Variants in NAA60 observed in about 807,000 individuals in gnomAD.
The protein encoded by NAA60 is N-alpha-acetyltransferase 60, NatF catalytic subunit.
Under a neutral mutation model 26.1 loss-of-function variants are expected in NAA60, and 8 were observed. The observed-to-expected ratio is 0.31, with a 90% CI of 0.18 to 0.55. The LOEUF (loss-of-function observed/expected upper bound fraction) is 0.55, where lower values mean the gene tolerates loss of function less well. Ranked by LOEUF, NAA60 falls within the 20% of genes least tolerant of loss-of-function variation. The pLI, the probability that NAA60 is intolerant of heterozygous loss-of-function variation, is 0.93. For missense variants in NAA60, 290 were observed against 311.3 expected, an observed-to-expected ratio of 0.93 and a Z score of 0.51; for synonymous variants, 131 against 122.5, an observed-to-expected ratio of 1.07 and a Z score of -0.46.
intron 2 of NAA60, among the ~76,000 whole-genome samples, chr16:3,450,491 G>C (rs1160287486): frequency 6.6e-6 from 1 of 152,018 alleles, no homozygotes; most frequent in Non-Finnish European, 1.5e-5. Flanking sequence ...ACAAGGTCAG[G>C]AGATCGAGAC....
intron 2 of NAA60, chr16:3,467,698 A>G (rs77942099): frequency 0.062 from 9,367 of 152,288 alleles, 380 homozygotes; most frequent in Admixed American, 0.084. Flanking sequence ...TCAGCACCTG[A>G]CAGTGGCGGG....
intron 2 of NAA60, among the ~76,000 whole-genome samples, chr16:3,475,804 G>T (rs2036443159): frequency 6.6e-6 from 1 of 152,260 alleles, no homozygotes; most frequent in African/African-American, 2.4e-5. Context: ...GGGGGATGAG[G>T]CATGGGGGCT....
chr16:3,451,724 C>T (rs1011981264), intron 2 of NAA60, among the ~76,000 whole-genome samples: 1 of 151,948 alleles, frequency 6.6e-6, no homozygotes, highest in African/African-American at 2.4e-5. Flanking sequence ...TGGAGACCAG[C>T]CTGGGCAACA....
rs113349727 is a variant in NAA60 at position 3,448,293 on chromosome 16, AC to A, written c.-76-177del. Among the ~76,000 whole-genome samples, 1,024 of 128,600 alleles carry A rather than the reference AC, an allele frequency of 8.0e-3. 16 individuals carry two copies. Among genetic ancestry groups the A allele is most frequent in the African/African-American group, 0.038 (928 of 24,538 alleles). 84.4% of individuals were successfully genotyped at this position (128,600 alleles called of 152,430 possible). A position where few individuals can be genotyped will look rare whatever the true frequency, so the allele number is the denominator to read the frequency against. ...TGTCTCAAAAAAAAAAAAAAAAAAA[AC>A]ATGGGTTGCTTTGTAGTTTAGAGAA... On this transcript the variant is annotated intron_variant, in intron 1 of 7. Transcript: ENST00000407558.
chr16:3,443,786 C>T lies in NAA60; in HGVS notation c.-128C>T. 1 of 1,534,228 alleles carries T rather than the reference C, an allele frequency of 6.5e-7. No homozygotes were observed. The highest frequency in any genetic ancestry group is 8.7e-7 in the Non-Finnish European group (1 of 1,146,158). On this transcript the variant is annotated 5_prime_UTR_variant, in exon 1 of 8. Coordinates refer to ENST00000407558, the MANE Select transcript of NAA60 (RefSeq NM_001083601.3). ...GACGTAATGTTTCCGAGAAGAAGGA[C>T]AGAAAGAAGACTGGGAGACACCGGA...
At chr16:3,452,682 C>T (rs1440561254) in intron 2 of NAA60, among the ~76,000 whole-genome samples, 1 of 151,162 alleles carries the variant, frequency 6.6e-6, no homozygotes, top group African/African-American at 2.4e-5. Context: ...CTTGGTTGAG[C>T]ATGGTGGCTC....
intron 2 of NAA60, chr16:3,457,881 C>G (rs2035078623): frequency 1.3e-6 from 1 of 756,630 alleles, no homozygotes; most frequent in Admixed American, 6.3e-5. Context: ...CATACGGGAT[C>G]CTGGGCCTGG....
At chr16:3,453,507 C>T (rs1015643374) in intron 2 of NAA60, among the ~76,000 whole-genome samples, 2 of 152,146 alleles carry the variant, frequency 1.3e-5, no homozygotes, top group Non-Finnish European at 2.9e-5. Context: ...CTTCCAGGTT[C>T]AAGCGATTCT....
chr16:3,443,894 G>A (rs1278319763), intron 1 of NAA60, 57 bp downstream of exon 1: 3 of 1,491,064 alleles, frequency 2.0e-6, no homozygotes, highest in Non-Finnish European at 2.7e-6. Flanking sequence ...CCAGAGCAAG[G>A]TGATTGAGAG....
intron 1 of NAA60, among the ~76,000 whole-genome samples, chr16:3,446,981 A>G (rs1170095991): frequency 6.6e-6 from 1 of 152,026 alleles, no homozygotes; most frequent in Non-Finnish European, 1.5e-5. Flanking sequence ...AGCTGGGACT[A>G]TAGGTGCGTA....
At chr16:3,458,700 G>A (rs1029488874) in intron 2 of NAA60, among the ~76,000 whole-genome samples, 1 of 152,164 alleles carries the variant, frequency 6.6e-6, no homozygotes, top group Non-Finnish European at 1.5e-5. Flanking sequence ...AAAGCCAGGG[G>A]CTCCGTCTAG....
Position 3,443,834 on chromosome 16 carries a change from A to G in NAA60, c.-80A>G, listed in dbSNP as rs1356126515. Reference sequence around the variant, plus strand: ...GGAACTCGAAAGAAAATCGGTAACAAAATGTGGGTTCGGCCAACAGTGCCC... The same window carrying G: ...GGAACTCGAAAGAAAATCGGTAACAGAATGTGGGTTCGGCCAACAGTGCCC... On this transcript the variant is annotated 5_prime_UTR_variant, in exon 1 of 8. Transcript: ENST00000407558. 1 of 1,534,366 alleles carries G rather than the reference A, an allele frequency of 6.5e-7. No individual in the cohort carries two copies. The highest frequency in any genetic ancestry group is 2.5e-5 in the East Asian group (1 of 40,794).
chr16:3,448,380 C>T lies in NAA60; in HGVS notation c.-76-91C>T, dbSNP rs1423478503. ...GCCCATCAGATTGATACTCTGAGAT[C>T]CAGGGTTTGTCTGACACTCATTAGC... On this transcript the variant is annotated intron_variant, in intron 1 of 7. Transcript: ENST00000407558. 3.0e-6 allele frequency: 3 copies of T among 1,012,402 alleles called. No individual in the cohort carries two copies. The Admixed American group carries it at 7.7e-5, about 26-fold the overall frequency. The allele number at this position is 1,012,402 out of a possible 1,614,324, so 62.7% of individuals were successfully genotyped here. A position where few individuals can be genotyped will look rare whatever the true frequency, so the allele number is the denominator to read the frequency against.
chr16:3,476,681 G>T (rs1267859077), intron 3 of NAA60, among the ~76,000 whole-genome samples: 1 of 152,070 alleles, frequency 6.6e-6, no homozygotes, highest in African/African-American at 2.4e-5. Context: ...ATTAGAGTAT[G>T]TGCATATAAA....
chr16:3,464,920 TCAGTG>T (rs767675341), intron 2 of NAA60, among the ~76,000 whole-genome samples: 2 of 152,162 alleles, frequency 1.3e-5, no homozygotes, highest in Non-Finnish European at 2.9e-5. Flanking sequence ...AGCTGCTCTT[TCAGTG>T]GGAATGTGAG....
At chr16:3,450,057 A>G in intron 2 of NAA60, 1 of 398,090 alleles carries the variant, frequency 2.5e-6, no homozygotes. Flanking sequence ...AGAAGAAGGA[A>G]CTAAAGAAGA....
At chr16:3,480,551 C>A (rs1278848125) in intron 4 of NAA60, among the ~76,000 whole-genome samples, 2 of 150,234 alleles carry the variant, frequency 1.3e-5, no homozygotes, top group South Asian at 4.2e-4. Flanking sequence ...GAGCCGAGAT[C>A]GTGCCATTGC....
rs746656241 is a variant in NAA60, at chr16:3,482,579, G to T, written c.318G>T (p.Glu106Asp). The change falls in exon 5 of 8, where the codon GAG becomes GAT. Residue 106 changes from glutamate to aspartate, a missense_variant. Glu to Asp is a conservative substitution (Grantham distance 45). Coordinates refer to ENST00000407558, the MANE Select transcript of NAA60 (RefSeq NM_001083601.3). ...AYILSLGVVK[E>D]FRKHGIGSLL... ...TCCTAAGTCTGGGCGTCGTGAAAGA[G>T]TTCAGGAAGCACGGCATAGGTAAGG... 10 of 1,607,174 alleles carry T rather than the reference G, an allele frequency of 6.2e-6. No homozygotes were observed. Among genetic ancestry groups the T allele is most frequent in the Non-Finnish European group, 8.5e-6 (10 of 1,176,940 alleles).
chr16:3,484,174 C>CGT (rs143827491), intron 6 of NAA60, among the ~76,000 whole-genome samples: 8 of 151,790 alleles, frequency 5.3e-5, no homozygotes, highest in Non-Finnish European at 8.8e-5. Context: ...AAATGCTGTG[C>CGT]GTGTGTGTGT....
Sources: allele counts gnomAD v4.1 joint callset (sites outside exome capture counted in the v4.1 genomes callset), GRCh38; gene constraint gnomAD v4.1.1; transcripts MANE v1.5; gene names NCBI Gene and HGNC (gene_info 2026-07-23, HGNC 2026-07-21).